Variants in GPBP1 observed in about 807,000 individuals in gnomAD.
The protein encoded by GPBP1 is GC-rich promoter binding protein 1, also known as vasculin.
A neutral mutation model predicts 56.5 loss-of-function variants in GPBP1; 13 were observed. The ratio of observed to expected loss-of-function variants is 0.23; its 90% CI spans 0.15 to 0.37. The LOEUF is 0.37. GPBP1 is among the 10% of genes least tolerant of loss of function. The pLI is 1.00. For synonymous variants in GPBP1, 204 were observed against 188.9 expected, an observed-to-expected ratio of 1.08 and a Z score of -0.66; for missense variants, 477 against 572.3, an observed-to-expected ratio of 0.83 and a Z score of 1.70.
At chr5:57,245,039 TGAG>T (rs1167501868) in intron 6 of GPBP1, among the ~76,000 whole-genome samples, 1 of 152,174 alleles carries the variant, frequency 6.6e-6, no homozygotes, top group Non-Finnish European at 1.5e-5. Context: ...GCAGCCTGTT[TGAG>T]ATCTTTATTC....
chr5:57,230,611 G>T, intron 3 of GPBP1: 2 of 469,926 alleles, frequency 4.3e-6, no homozygotes, highest in East Asian at 3.8e-5. Flanking sequence ...TATATTTTTT[G>T]GAAAAAAAGA....
At chr5:57,202,614 T>C (rs532842477) in intron 2 of GPBP1, among the ~76,000 whole-genome samples, 1 of 152,238 alleles carries the variant, frequency 6.6e-6, no homozygotes, top group East Asian at 1.9e-4. Flanking sequence ...AAAGCTTATC[T>C]ATCATTTGAA....
chr5:57,243,659 A>G (rs890519017), intron 6 of GPBP1, among the ~76,000 whole-genome samples: 2 of 150,844 alleles, frequency 1.3e-5, no homozygotes, highest in East Asian at 3.9e-4. Context: ...TAGTATATCT[A>G]CTTGCCTATC....
intron 5 of GPBP1, among the ~76,000 whole-genome samples, chr5:57,232,397 T>TAAAG (rs1295775904): frequency 6.6e-6 from 1 of 152,254 alleles, no homozygotes; most frequent in Non-Finnish European, 1.5e-5. Context: ...CTGCTAGCTG[T>TAAAG]AATAAAGAAA....
At chr5:57,222,363 G>T (rs1755989426) in intron 3 of GPBP1, among the ~76,000 whole-genome samples, 2 of 152,184 alleles carry the variant, frequency 1.3e-5, no homozygotes, top group Admixed American at 1.3e-4. Flanking sequence ...GGAATAGGAA[G>T]CCATATGTAT....
At chr5:57,179,985 T>TG (rs1753969867) in intron 2 of GPBP1, among the ~76,000 whole-genome samples, 1 of 151,228 alleles carries the variant, frequency 6.6e-6, no homozygotes. Flanking sequence ...GGAGGAGTAA[T>TG]GGGGAAAGAA....
At chr5:57,259,466 C>CT (rs1741800135) in intron 10 of GPBP1, among the ~76,000 whole-genome samples, 1 of 152,166 alleles carries the variant, frequency 6.6e-6, no homozygotes, top group East Asian at 1.9e-4. Context: ...ACTATTAACT[C>CT]TGTTTTTCAA....
At chr5:57,176,561 G>T (rs1753794971) in intron 2 of GPBP1, among the ~76,000 whole-genome samples, 161 bp downstream of exon 2, 1 of 151,396 alleles carries the variant, frequency 6.6e-6, no homozygotes, top group South Asian at 2.1e-4. Context: ...ACCATTGTCT[G>T]AGTAAACTGA....
At position 57,261,248 on chromosome 5, in the gene GPBP1, A is replaced by T; in HGVS notation, c.1229A>T (p.Asp410Val). The stretch of plus-strand genomic sequence containing the variant: ...GAAACATGTGCTCCCTTAACTGAGG[A>T]TGAAATGAGAGAATTCCAAGTTATT... Reference protein sequence around the residue: ...NDETCAPLTEDEMREFQVISE... With the variant: ...NDETCAPLTEVEMREFQVISE... Residue 410 changes from aspartate (D) to valine (V), a missense_variant, in exon 11 of 12, where the codon GAT becomes GTT. Asp to Val is a radical substitution (Grantham distance 152). This residue lies in a region of GPBP1 where 63 missense variants were observed against 114.0 expected (regional missense o/e 0.55). Coordinates refer to ENST00000506184, the MANE Select transcript of GPBP1 (RefSeq NM_022913.4). 1 of 1,611,998 alleles carries T rather than the reference A, an allele frequency of 6.2e-7. No homozygotes were observed. Among genetic ancestry groups the T allele is most frequent in the South Asian group, 1.1e-5 (1 of 91,012 alleles).
chr5:57,231,197 G>T lies in GPBP1; in HGVS notation c.287G>T (p.Arg96Leu), dbSNP rs771538434. 2.5e-6 allele frequency: 4 copies of T among 1,614,098 alleles called. No homozygotes were observed. The highest frequency in any genetic ancestry group is 3.4e-6 in the Non-Finnish European group (4 of 1,179,964). Residue 96 changes from arginine (R) to leucine (L), a missense_variant, in exon 5 of 12, where the codon CGT becomes CTT. Arg to Leu is a moderately radical substitution (Grantham distance 102, BLOSUM62 -2). Around this residue, in one of 2 missense-constraint regions of GPBP1, gnomAD observed 414 missense variants for 458.2 expected, o/e 0.90. Coordinates refer to ENST00000506184, the MANE Select transcript of GPBP1 (RefSeq NM_022913.4). The stretch of plus-strand genomic sequence containing the variant: ...GGTGGATACCATGGTGGAAGTTCCC[G>T]TTCTCGTAGCAGTATTTTCCATGCA... ...HRGGYHGGSS[R>L]SRSSIFHAGK...
At chr5:57,250,529 A>T (rs945434582) in intron 9 of GPBP1, among the ~76,000 whole-genome samples, 3 of 144,880 alleles carry the variant, frequency 2.1e-5, no homozygotes, top group Admixed American at 6.9e-5. Context: ...AATTATAAGT[A>T]TTACGTTTAT....
In GPBP1 at chr5:57,249,406, T is replaced by TA; in HGVS notation, c.805-2dup. ...TTATCAGTATTTCTGAATTTCCTCT[T>TA]AGTGTAATCGCTCAAATTCCTCTTC... is the stretch of plus-strand genomic sequence containing the variant. On this transcript the variant is annotated splice_polypyrimidine_tract_variant and splice_region_variant and intron_variant, in intron 8 of 11. Coordinates refer to ENST00000506184, the MANE Select transcript of GPBP1 (RefSeq NM_022913.4). 6.3e-7 allele frequency: 1 copy of TA among 1,587,674 alleles called. No homozygotes were observed. Among genetic ancestry groups the TA allele is most frequent in the Non-Finnish European group, 8.5e-7 (1 of 1,170,444 alleles).
chr5:57,238,296 G>C (rs1202506859), intron 6 of GPBP1, among the ~76,000 whole-genome samples: 1 of 152,204 alleles, frequency 6.6e-6, no homozygotes, highest in African/African-American at 2.4e-5. Context: ...ACCAGGCATG[G>C]TGGCTCATGC....
At chr5:57,237,056 T>A (rs1756690222) in intron 6 of GPBP1, 1 of 1,219,644 alleles carries the variant, frequency 8.2e-7, no homozygotes, top group African/African-American at 1.5e-5. Flanking sequence ...GTTAGAACCA[T>A]GTGAATGGCA....
chr5:57,175,358 C>T (rs907610124), intron 1 of GPBP1, 90 bp from the exon 2 acceptor site: 6 of 392,180 alleles, frequency 1.5e-5, no homozygotes, highest in Non-Finnish European at 2.2e-5. Context: ...AAGTGATTTT[C>T]TCTCCAGAGG....
rs1561348256 is a variant in GPBP1 at position 57,219,399 on chromosome 5, A to AAC, written c.63+5207_63+5208insCA. 6.7e-5 allele frequency among the ~76,000 whole-genome samples: 4 copies of AAC among 59,548 alleles called. 1 individual carries two copies. The highest frequency in any genetic ancestry group is 1.1e-4 in the Non-Finnish European group (4 of 37,290). 39.1% of individuals were successfully genotyped at this position (59,548 alleles called of 152,430 possible). On this transcript the variant is annotated intron_variant, in intron 3 of 11. Transcript: ENST00000506184. ...TCAAAAAAAAAAAAAAAAAAAAAAA[A>AAC]AAAACCAAAAACAAACAAACAAAAA...
intron 5 of GPBP1, among the ~76,000 whole-genome samples, chr5:57,235,494 A>T (rs1756624382): frequency 6.6e-6 from 1 of 152,068 alleles, no homozygotes; most frequent in African/African-American, 2.4e-5. Context: ...TAGGCAGAGT[A>T]GCCTGTTTTT....
At chr5:57,203,390 C>CT (rs920278588) in intron 2 of GPBP1, among the ~76,000 whole-genome samples, 1 of 152,082 alleles carries the variant, frequency 6.6e-6, no homozygotes, top group Non-Finnish European at 1.5e-5. Flanking sequence ...ACTCCTCATA[C>CT]TTTGGGAGGC....
Position 57,219,394 on chromosome 5 carries a change from A to C in GPBP1, c.63+5201A>C, listed in dbSNP as rs2408688. 5.9e-3 allele frequency among the ~76,000 whole-genome samples: 347 copies of C among 58,472 alleles called. 15 individuals are homozygous for C. The highest frequency in any genetic ancestry group is 7.0e-3 in the Non-Finnish European group (252 of 35,866). The allele number at this position is 58,472 out of a possible 152,430, so 38.4% of individuals were successfully genotyped here. On this transcript the variant is annotated intron_variant, in intron 3 of 11. Coordinates refer to ENST00000506184, the MANE Select transcript of GPBP1 (RefSeq NM_022913.4). Reference sequence around the variant, plus strand: ...CTGTCTCAAAAAAAAAAAAAAAAAAAAAAAAAAAACCAAAAACAAACAAAC... The same window carrying C: ...CTGTCTCAAAAAAAAAAAAAAAAAACAAAAAAAAACCAAAAACAAACAAAC...
Sources: gnomAD v4.1 joint callset for allele counts (sites outside exome capture counted in the v4.1 genomes callset) on GRCh38, gnomAD v4.1.1 for gene constraint, gnomAD v4.1.1 regional missense constraint, MANE v1.5 for transcripts, NCBI Gene and HGNC (gene_info 2026-07-23, HGNC 2026-07-21) for gene names.